GYS1: variants seen among roughly 807,000 people sequenced by gnomAD.
GYS1 encodes the protein glycogen synthase 1, also known as glycogen [starch] synthase, muscle.
GYS1 carries 60 observed loss-of-function variants against 89.1 expected under a neutral mutation model. The ratio of observed to expected loss-of-function variants is 0.67; its 90% CI spans 0.55 to 0.84. The LOEUF (loss-of-function observed/expected upper bound fraction) is 0.84. Ranked by LOEUF, GYS1 falls within the 40% of genes least tolerant of loss-of-function variation. The probability of loss-of-function intolerance (pLI) is 0.00; values close to 1 mark genes in which losing one functional copy is unlikely to be tolerated. For missense variants in GYS1, 888 were observed against 1,003.1 expected (o/e 0.89, Z 1.55); for synonymous variants, 366 against 401.7 (o/e 0.91, Z 1.06).
rs1460204907 is a variant in GYS1, at chr19:48,974,214, C to G, written c.1548G>C (p.Pro516=). The change falls in exon 12 of 16, where the codon CCG becomes CCC. Residue 516 remains proline, a splice_region_variant and synonymous_variant. Coordinates refer to ENST00000323798, the MANE Select transcript of GYS1 (RefSeq NM_002103.5). ...CTGTCCCCTGCCCACTACACTCACCCGGTGTGTAGCCCCAAGGCTCATAGT... is the reference window on the plus strand; with the variant it reads ...CTGTCCCCTGCCCACTACACTCACCGGGTGTGTAGCCCCAAGGCTCATAGT... ...PSYYEPWGYT[P]AECTVMGIPS... The G allele has an allele frequency of 2.5e-6, 4 of 1,599,920 alleles. No homozygotes were observed. In the African/African-American group the frequency reaches 4.0e-5, roughly 16 times the overall value.
chr19:48,982,796 C>A lies in GYS1; in HGVS notation c.865G>T (p.Ala289Ser). ...TGGAGGTTCTGGAACTCATGCATGG[C>A]AGAAAACTTCTTCACATTCAGCCCA... ...PNGLNVKKFS[A>S]MHEFQNLHAQ... Residue 289 changes from alanine to serine, a missense_variant, in exon 6 of 16, where the codon GCC (alanine) becomes TCC (serine). Coordinates refer to ENST00000323798, the MANE Select transcript of GYS1 (RefSeq NM_002103.5). 1.9e-6 allele frequency: 3 copies of A among 1,613,736 alleles called. No homozygotes were observed. The highest frequency in any genetic ancestry group is 2.5e-6 in the Non-Finnish European group (3 of 1,179,636).
chr19:48,992,971 G>A, intron 1 of GYS1, 24 bp downstream of exon 1: 1 of 1,357,396 alleles, frequency 7.4e-7, no homozygotes, highest in African/African-American at 1.4e-5. Flanking sequence ...TCTCGTCAAG[G>A]GCCCCGACGC....
rs539077315 is a variant in GYS1 at position 48,989,460 on chromosome 19, C to T, written c.300+1842G>A. ...TTGTACCACTGCACTCCAGACTCAG[C>T]GACAGAGTGAGATTCTATCTGAAAA... On this transcript the variant is annotated intron_variant, in intron 2 of 15. Coordinates refer to ENST00000323798, the MANE Select transcript of GYS1 (RefSeq NM_002103.5). Among the ~76,000 whole-genome samples the T allele has an allele frequency of 9.1e-5, 13 of 143,440 alleles. No homozygotes were observed. The South Asian group carries it at 1.1e-3, about 12-fold the overall frequency. 94.1% of individuals were successfully genotyped at this position (143,440 alleles called of 152,430 possible).
chr19:48,992,073 C>T (rs2038941483), intron 1 of GYS1, among the ~76,000 whole-genome samples: 1 of 152,104 alleles, frequency 6.6e-6, no homozygotes, highest in African/African-American at 2.4e-5. Flanking sequence ...TCTCCCATGA[C>T]CCTATCCCAG....
rs149459351 is a variant in GYS1, at chr19:48,979,740, G to A, written c.1170-1583C>T. ...TGGCTCACTGCAATCTCTGCCTCCC[G>A]GGTTCGAGCGATTCTCCTGCTTAGC... On this transcript the variant is annotated intron_variant, in intron 8 of 15. Transcript: ENST00000323798. 1.6e-3 allele frequency among the ~76,000 whole-genome samples: 239 copies of A among 147,132 alleles called. 1 individual carries two copies. Among genetic ancestry groups the A allele is most frequent in the African/African-American group, 5.5e-3 (221 of 39,870 alleles).
intron 10 of GYS1, among the ~76,000 whole-genome samples, chr19:48,976,846 C>T (rs1044262192): frequency 4.8e-5 from 7 of 146,750 alleles, no homozygotes; most frequent in Middle Eastern, 7.0e-3. Context: ...CTCACTGCAG[C>T]GGCATAATCA....
Position 48,973,071 on chromosome 19 carries a change from G to A in GYS1, c.1549+1142C>T, listed in dbSNP as rs552197261. Among the ~76,000 whole-genome samples the A allele has an allele frequency of 7.9e-5, 12 of 152,250 alleles. No homozygotes were observed. The South Asian group carries it at 1.7e-3, about 21-fold the overall frequency. ...TCTCAAAATGTAGTCCCCACGTGTCGAGGGAGGGAAATGATTGGATTACGG... is the reference window on the plus strand; with the variant it reads ...TCTCAAAATGTAGTCCCCACGTGTCAAGGGAGGGAAATGATTGGATTACGG... On this transcript the variant is annotated intron_variant, in intron 12 of 15. Transcript: ENST00000323798.
rs56291141 is a variant in GYS1 at position 48,979,646 on chromosome 19, CT to C, written c.1170-1490del. Among the ~76,000 whole-genome samples, 969 of 114,924 alleles carry C rather than the reference CT, an allele frequency of 8.4e-3. 3 individuals carry two copies. Among genetic ancestry groups the C allele is most frequent in the African/African-American group, 0.026 (789 of 30,516 alleles). The allele number at this position is 114,924 out of a possible 152,430, so 75.4% of individuals were successfully genotyped here. On this transcript the variant is annotated intron_variant, in intron 8 of 15. Transcript: ENST00000323798. Reference sequence around the variant, plus strand: ...GCCACCGCGCCCAGCCTCTTTCTTTCTTTTTTTTTTTTTTTTTTTTGAGACC... The same window carrying C: ...GCCACCGCGCCCAGCCTCTTTCTTTCTTTTTTTTTTTTTTTTTTTGAGACC...
intron 12 of GYS1, among the ~76,000 whole-genome samples, chr19:48,973,242 A>G (rs2038593077): frequency 6.6e-6 from 1 of 152,062 alleles, no homozygotes; most frequent in South Asian, 2.1e-4. Flanking sequence ...CCCTTCTGCC[A>G]TGACTGAGTT....
At position 48,987,255 on chromosome 19, in the gene GYS1, T is replaced by TTGGC. The variant is rs772641455; in HGVS notation, c.430_431insGCCA (p.Tyr144CysfsTer22). On this transcript the variant is annotated frameshift_variant, in exon 3 of 16. Coordinates refer to ENST00000323798, the MANE Select transcript of GYS1 (RefSeq NM_002103.5). LOFTEE classifies it high-confidence loss of function. ...GACAGCGTCGTTGGCCTCGCGGTCG[T>TTGGC]ACCACGGCACTCCGATGTTGCAGGT... is the stretch of plus-strand genomic sequence containing the variant. 1.2e-6 allele frequency: 2 copies of TTGGC among 1,613,540 alleles called. No individual in the cohort carries two copies. Among genetic ancestry groups the TTGGC allele is most frequent in the Admixed American group, 3.3e-5 (2 of 59,952 alleles).
chr19:48,985,658 G>C, intron 4 of GYS1, 53 bp from the exon 5 acceptor site: 1 of 1,603,758 alleles, frequency 6.2e-7, no homozygotes, highest in Non-Finnish European at 8.5e-7. Context: ...GAAGACTCTG[G>C]AGGTCCAGAC....
chr19:48,985,125 C>T (rs2038821562), intron 5 of GYS1, among the ~76,000 whole-genome samples: 1 of 152,136 alleles, frequency 6.6e-6, no homozygotes, highest in African/African-American at 2.4e-5. Flanking sequence ...GATCACAGCT[C>T]ACTGCACCCT....
chr19:48,987,451 C>T lies in GYS1; in HGVS notation c.301-66G>A, dbSNP rs539307820. On this transcript the variant is annotated intron_variant, in intron 2 of 15. Transcript: ENST00000323798. ...CTTCAGCCTCATATCTTCACTCATC[C>T]GTGGTTCTCCCATTTGCAGGCAGAT... The T allele has an allele frequency of 2.9e-5, 37 of 1,278,426 alleles. No individual in the cohort carries two copies. In the African/African-American group the frequency reaches 4.0e-4, roughly 14 times the overall value. 79.2% of individuals were successfully genotyped at this position (1,278,426 alleles called of 1,614,324 possible).
intron 5 of GYS1, 65 bp from the exon 6 acceptor site, chr19:48,982,902 A>C (rs2038788997): frequency 8.5e-7 from 1 of 1,183,264 alleles, no homozygotes; most frequent in Non-Finnish European, 1.3e-6. Flanking sequence ...TGGTTGAATG[A>C]ATAAATGAAG....
chr19:48,985,793 A>G, intron 4 of GYS1, 57 bp downstream of exon 4: 1 of 1,594,698 alleles, frequency 6.3e-7, no homozygotes, highest in Non-Finnish European at 8.6e-7. Context: ...GGCCCCCCAG[A>G]GCTTTGGGTT....
chr19:48,981,631 G>GT lies in GYS1; in HGVS notation c.1067dup (p.Asn356LysfsTer51). 1 of 1,603,280 alleles carries GT rather than the reference G, an allele frequency of 6.2e-7. No homozygotes were observed. The highest frequency in any genetic ancestry group is 2.2e-5 in the East Asian group (1 of 44,836). On this transcript the variant is annotated frameshift_variant, in exon 8 of 16. Transcript: ENST00000323798. LOFTEE classifies it high-confidence loss of function. ...AGGCAACCACTGTCTGCTCGCTGCC[G>GT]TTCACCTGCGCAGAAAGAAAGGAGG...
intron 5 of GYS1, 142 bp downstream of exon 5, chr19:48,985,319 G>A (rs1314141599): frequency 2.4e-6 from 2 of 817,040 alleles, no homozygotes; most frequent in Non-Finnish European, 4.0e-6. Flanking sequence ...TTACAGGTGT[G>A]AGCCACCATG....
chr19:48,991,403 G>GC lies in GYS1; in HGVS notation c.198dup (p.Pro67AlafsTer98). ...GTCCTCACGCCCTGCTCCGTGTACG[G>GC]CCCCACCAGGAAGTAGTTGTCGCCC... On this transcript the variant is annotated frameshift_variant, in exon 2 of 16. Transcript: ENST00000323798. LOFTEE classifies it high-confidence loss of function. This position sits in a 1 kb window ranked among gnomAD's most constrained non-coding sequence, Gnocchi z 4.7. The GC allele has an allele frequency of 6.2e-7, 1 of 1,614,096 alleles. No individual in the cohort carries two copies. The highest frequency in any genetic ancestry group is 8.5e-7 in the Non-Finnish European group (1 of 1,180,036).
At chr19:48,971,479 C>T (rs1335652869) in intron 12 of GYS1, among the ~76,000 whole-genome samples, 1 of 151,604 alleles carries the variant, frequency 6.6e-6, no homozygotes, top group Admixed American at 6.6e-5. Context: ...GCATCTAGTA[C>T]GTCTTGTTTA....
Sources: gnomAD v4.1 joint callset for allele counts (sites outside exome capture counted in the v4.1 genomes callset) on GRCh38, gnomAD v4.1.1 for gene constraint, Gnocchi (gnomAD v3.1) non-coding constraint, MANE v1.5 for transcripts, NCBI Gene and HGNC (gene_info 2026-07-23, HGNC 2026-07-21) for gene names.